SCAND3: variants seen among roughly 807,000 people sequenced by gnomAD.
SCAND3 encodes SCAN domain containing 3, also known as SCAN domain-containing protein 3.
chr6:28,575,514 T>C, the SCAND3 span: 1 of 1,613,868 alleles, frequency 6.2e-7, no homozygotes, highest in Non-Finnish European at 8.5e-7. This position sits in a 1 kb window ranked among gnomAD's most constrained non-coding sequence, Gnocchi z 4.2. Flanking sequence ...TACAGAGATC[T>C]TGATAATGCA....
At chr6:28,579,901 C>G in the SCAND3 span, among the ~76,000 whole-genome samples, 2 of 152,118 alleles carry the variant, frequency 1.3e-5, no homozygotes, top group African/African-American at 2.4e-5. This position sits in a 1 kb window ranked among gnomAD's most constrained non-coding sequence, Gnocchi z 4.5. Context: ...AATGCAGATT[C>G]ACCAGGCCTA....
chr6:28,580,407 T>G, the SCAND3 span, among the ~76,000 whole-genome samples: 4 of 149,858 alleles, frequency 2.7e-5, no homozygotes, highest in African/African-American at 9.9e-5. Context: ...TGAGTTGAGA[T>G]CATGCCACTG....
the SCAND3 span, chr6:28,586,462 G>C: frequency 5.0e-6 from 8 of 1,614,194 alleles, no homozygotes; most frequent in East Asian, 1.8e-4. This position sits in a 1 kb window ranked among gnomAD's most constrained non-coding sequence, Gnocchi z 4.4. Flanking sequence ...TCCTTGGTAT[G>C]TATCTCTGGG....
the SCAND3 span, chr6:28,575,960 A>T: frequency 6.2e-7 from 1 of 1,613,622 alleles, no homozygotes; most frequent in Non-Finnish European, 8.5e-7. The surrounding 1 kb of genome is among the most constrained non-coding windows in gnomAD (Gnocchi z 4.2). Flanking sequence ...AACTGACAGT[A>T]CTTTGCTTTA....
At chr6:28,592,357 A>G in the SCAND3 span, among the ~76,000 whole-genome samples, 1 of 152,196 alleles carries the variant, frequency 6.6e-6, no homozygotes, top group Non-Finnish European at 1.5e-5. This position sits in a 1 kb window ranked among gnomAD's most constrained non-coding sequence, Gnocchi z 4.1. Flanking sequence ...ACAAAATAAA[A>G]TACTTGGGTA....
chr6:28,572,892 G>A, the SCAND3 span: 1 of 1,613,902 alleles, frequency 6.2e-7, no homozygotes, highest in Non-Finnish European at 8.5e-7. This position sits in a 1 kb window ranked among gnomAD's most constrained non-coding sequence, Gnocchi z 4.1. Flanking sequence ...GATGAATGAA[G>A]CAATGTGTTG....
chr6:28,609,256 C>T, the SCAND3 span, among the ~76,000 whole-genome samples: 1 of 152,080 alleles, frequency 6.6e-6, no homozygotes, highest in African/African-American at 2.4e-5. Context: ...TATCTGGAAG[C>T]CACCCCTCAA....
chr6:28,589,355 C>T, the SCAND3 span: 76 of 152,260 alleles, frequency 5.0e-4, no homozygotes, highest in African/African-American at 1.7e-3. Context: ...CACGACTATA[C>T]TTACCTACTG....
chr6:28,575,131 G>A, the SCAND3 span: 1 of 1,614,148 alleles, frequency 6.2e-7, no homozygotes, highest in East Asian at 2.2e-5. The surrounding 1 kb of genome is among the most constrained non-coding windows in gnomAD (Gnocchi z 4.2). Context: ...TTTAGCTTCA[G>A]AGCTAAATGC....
chr6:28,600,563 A>T, the SCAND3 span, among the ~76,000 whole-genome samples: 1 of 152,020 alleles, frequency 6.6e-6, no homozygotes, highest in South Asian at 2.1e-4. Context: ...AGCCCAGGAG[A>T]TTGCAGTGAG....
At chr6:28,603,187 T>C in the SCAND3 span, among the ~76,000 whole-genome samples, 1 of 152,004 alleles carries the variant, frequency 6.6e-6, no homozygotes, top group South Asian at 2.1e-4. Context: ...GGTGGTCTCC[T>C]GACCTCGTGA....
At chr6:28,571,097 T>C in the SCAND3 span, 1 of 152,186 alleles carries the variant, frequency 6.6e-6, no homozygotes, top group East Asian at 1.9e-4. Flanking sequence ...GAGGGTCATC[T>C]GATGTCAGGA....
the SCAND3 span, among the ~76,000 whole-genome samples, chr6:28,610,494 G>T: frequency 6.6e-6 from 1 of 152,216 alleles, no homozygotes; most frequent in South Asian, 2.1e-4. Context: ...CTGCACTCCA[G>T]CCTGGGCAAT....
chr6:28,591,191 A>G, the SCAND3 span: 1 of 152,200 alleles, frequency 6.6e-6, no homozygotes, highest in Non-Finnish European at 1.5e-5. Context: ...AATGGACAAG[A>G]CCTGATTGGA....
the SCAND3 span, chr6:28,591,066 A>G: frequency 6.6e-6 from 1 of 152,230 alleles, no homozygotes; most frequent in Non-Finnish European, 1.5e-5. Flanking sequence ...GACCAACACC[A>G]TAGCCTGCCT....
At chr6:28,572,035 C>T in the SCAND3 span, 3 of 1,613,986 alleles carry the variant, frequency 1.9e-6, no homozygotes, top group East Asian at 6.7e-5. The surrounding 1 kb of genome is among the most constrained non-coding windows in gnomAD (Gnocchi z 4.1). Flanking sequence ...TTTAATAACA[C>T]TTAAAGTAGA....
At chr6:28,598,483 C>T in the SCAND3 span, among the ~76,000 whole-genome samples, 1 of 152,140 alleles carries the variant, frequency 6.6e-6, no homozygotes, top group East Asian at 1.9e-4. Context: ...ATATATCCAT[C>T]CTCACCATAC....
chr6:28,574,872 T>C, the SCAND3 span: 2 of 1,614,062 alleles, frequency 1.2e-6, no homozygotes, highest in Non-Finnish European at 1.7e-6. Context: ...TATTAACACC[T>C]GTGCATTCTT....
At chr6:28,575,451 T>G in the SCAND3 span, 1 of 1,613,842 alleles carries the variant, frequency 6.2e-7, no homozygotes, top group Non-Finnish European at 8.5e-7. This position sits in a 1 kb window ranked among gnomAD's most constrained non-coding sequence, Gnocchi z 4.2. Context: ...AAAGAGCATG[T>G]GCAACTTCCG....
Sources: gnomAD v4.1 joint callset for allele counts (sites outside exome capture counted in the v4.1 genomes callset) on GRCh38, gnomAD v4.1.1 for gene constraint, Gnocchi (gnomAD v3.1) non-coding constraint, MANE v1.5 for transcripts, NCBI Gene and HGNC (gene_info 2026-07-23, HGNC 2026-07-21) for gene names.